XRRA1: variants seen among roughly 807,000 people sequenced by gnomAD.
XRRA1 encodes the protein X-ray radiation resistance associated 1.
Under a neutral mutation model 80.2 loss-of-function variants are expected in XRRA1, and 69 were observed. The observed-to-expected ratio is 0.86, with a 90% CI of 0.71 to 1.05. The LOEUF is 1.05. Ranked by LOEUF, XRRA1 falls within the 50% of genes least tolerant of loss-of-function variation. The probability of loss-of-function intolerance (pLI) is 0.00; values close to 1 mark genes in which losing one functional copy is unlikely to be tolerated. For missense variants in XRRA1, 967 were observed against 976.4 expected (o/e 0.99, Z 0.13); for synonymous variants, 348 against 389.9 (o/e 0.89, Z 1.27).
intron 6 of XRRA1, among the ~76,000 whole-genome samples, chr11:74,928,032 T>C (rs897705559): frequency 1.3e-5 from 2 of 152,246 alleles, no homozygotes; most frequent in Non-Finnish European, 2.9e-5. Flanking sequence ...GATTATTCCA[T>C]GTCAAAACAT....
intron 10 of XRRA1, among the ~76,000 whole-genome samples, chr11:74,879,012 T>G (rs1178439604): frequency 3.4e-5 from 5 of 148,770 alleles, no homozygotes. Context: ...AAGTCATTGG[T>G]AGCTTGATGG....
chr11:74,896,674 G>A (rs2052400484), intron 10 of XRRA1, among the ~76,000 whole-genome samples: 1 of 152,146 alleles, frequency 6.6e-6, no homozygotes, highest in Non-Finnish European at 1.5e-5. Flanking sequence ...CCAGTGGTGG[G>A]GGCCACAGGG....
chr11:74,913,867 G>GATGTACTTC (rs1467806792), intron 8 of XRRA1: 1 of 152,162 alleles, frequency 6.6e-6, no homozygotes, highest in Admixed American at 6.5e-5. Context: ...AGCATGTTGT[G>GATGTACTTC]ATGTACTTCT....
rs546365788 is a variant in XRRA1 at position 74,912,449 on chromosome 11, C to A, written c.657-5176G>T. Reference sequence around the variant, plus strand: ...GAAGTTGAGCAGAGATTCTGACAACCCTGCTGGGCCAGGGGCGAAAATTGG... The same window carrying A: ...GAAGTTGAGCAGAGATTCTGACAACACTGCTGGGCCAGGGGCGAAAATTGG... On this transcript the variant is annotated intron_variant, in intron 8 of 18. Coordinates refer to ENST00000684022, the MANE Select transcript of XRRA1 (RefSeq NM_001378157.1). Among the ~76,000 whole-genome samples the A allele has an allele frequency of 2.6e-5, 4 of 152,218 alleles. 1 individual carries two copies. In the South Asian group the frequency reaches 8.3e-4, roughly 32 times the overall value.
rs2036949783 is a variant in XRRA1, at chr11:74,843,437, C to T, written c.2166G>A (p.Gln722=). Reference sequence around the variant, plus strand: ...GGTTCACCAGCCGCCGTTCTGTCCACTGGTGCAGGACAGCACCTGCAGGAA... The same window carrying T: ...GGTTCACCAGCCGCCGTTCTGTCCATTGGTGCAGGACAGCACCTGCAGGAA... ...TEAPLGAVLH[Q]WTERRLVNHK... Residue 722 remains glutamine (Q), a synonymous_variant, in exon 19 of 19, where the codon CAG becomes CAA. Transcript: ENST00000684022. 1 of 1,612,444 alleles carries T rather than the reference C, an allele frequency of 6.2e-7. No individual in the cohort carries two copies. The highest frequency in any genetic ancestry group is 1.1e-5 in the South Asian group (1 of 90,538).
At chr11:74,900,713 C>T (rs553373980) in intron 10 of XRRA1, among the ~76,000 whole-genome samples, 11 of 152,334 alleles carry the variant, frequency 7.2e-5, no homozygotes, top group Non-Finnish European at 8.8e-5. Flanking sequence ...ACCATATGAT[C>T]ATTTCAATTG....
intron 10 of XRRA1, among the ~76,000 whole-genome samples, chr11:74,867,917 CTTTTTT>C (rs60520990): frequency 1.9e-5 from 2 of 106,746 alleles, no homozygotes; most frequent in Admixed American, 1.1e-4. Flanking sequence ...TATAGTCAAT[CTTTTTT>C]TTTTTTTTTT....
Position 74,921,235 on chromosome 11 carries a change from G to GGC in XRRA1, c.633_634dup (p.Pro212ArgfsTer13). 1 of 1,613,930 alleles carries GGC rather than the reference G, an allele frequency of 6.2e-7. No homozygotes were observed. Among genetic ancestry groups the GGC allele is most frequent in the East Asian group, 2.2e-5 (1 of 44,886 alleles). On this transcript the variant is annotated frameshift_variant, in exon 8 of 19. Coordinates refer to ENST00000684022, the MANE Select transcript of XRRA1 (RefSeq NM_001378157.1). LOFTEE classifies it high-confidence loss of function. Reference sequence around the variant, plus strand: ...TTACTGTTCTGCGACGGCCAAATTGGGCGGCAGGGAGGTAAGGCCATTGCC... The same window carrying GGC: ...TTACTGTTCTGCGACGGCCAAATTGGGCGCGGCAGGGAGGTAAGGCCATTGCC...
At position 74,921,182 on chromosome 11, in the gene XRRA1, A is replaced by C. The variant is rs750146137; in HGVS notation, c.656+32T>G. The C allele has an allele frequency of 2.5e-6, 4 of 1,609,328 alleles. No individual in the cohort carries two copies. In the Admixed American group the frequency reaches 6.7e-5, roughly 27 times the overall value. ...TTTCCTTGGATATTTGTACACAAAA[A>C]CACAGAATGGACTCCAGGAGGTAGA... On this transcript the variant is annotated intron_variant, in intron 8 of 18. Coordinates refer to ENST00000684022, the MANE Select transcript of XRRA1 (RefSeq NM_001378157.1).
At chr11:74,947,838 C>T (rs1053473342) in intron 1 of XRRA1, among the ~76,000 whole-genome samples, 2 of 152,174 alleles carry the variant, frequency 1.3e-5, no homozygotes, top group Admixed American at 6.5e-5. Flanking sequence ...AATTCTCCTG[C>T]CTCAGCCTCC....
At chr11:74,946,801 G>T (rs1004073032) in intron 1 of XRRA1, among the ~76,000 whole-genome samples, 1 of 151,488 alleles carries the variant, frequency 6.6e-6, no homozygotes, top group African/African-American at 2.4e-5. Context: ...ACCCAGGCTG[G>T]AGTGCAGTGT....
At chr11:74,880,672 C>T (rs1422375114) in intron 10 of XRRA1, among the ~76,000 whole-genome samples, 11 of 151,042 alleles carry the variant, frequency 7.3e-5, no homozygotes, top group Non-Finnish European at 1.6e-4. Flanking sequence ...TCTTTGTTCT[C>T]GTTGGTTTCA....
chr11:74,891,237 G>A (rs1207303986), intron 10 of XRRA1, among the ~76,000 whole-genome samples: 1 of 152,208 alleles, frequency 6.6e-6, no homozygotes. Context: ...TGGGATGCAA[G>A]GCTGGTTCAA....
At chr11:74,943,845 AGT>A (rs1313331330) in intron 2 of XRRA1, among the ~76,000 whole-genome samples, 1 of 151,774 alleles carries the variant, frequency 6.6e-6, no homozygotes, top group Non-Finnish European at 1.5e-5. Context: ...CTTTTGAGAC[AGT>A]GTCTTACTTT....
rs1479396976 is a variant in XRRA1, at chr11:74,851,117, C to A, written c.1351G>T (p.Val451Phe). The change falls in exon 14 of 19, where the codon GTT (valine) becomes TTT (phenylalanine). Residue 451 changes from valine (V) to phenylalanine (F), a missense_variant. By Grantham distance (50) the Val-to-Phe change is conservative. Coordinates refer to ENST00000684022, the MANE Select transcript of XRRA1 (RefSeq NM_001378157.1). ...RRKIVKPKHH[V>F]LMSRKESWKV... is the part of the protein sequence containing the mutation. ...CATGATTCCTTCCGAGACATCAAAA[C>A]ATGATGCTTAGGCTTTACTATCTTC... 1.2e-6 allele frequency: 2 copies of A among 1,612,414 alleles called. No homozygotes were observed. The highest frequency in any genetic ancestry group is 1.7e-6 in the Non-Finnish European group (2 of 1,178,970).
chr11:74,890,679 G>A (rs1456406096), intron 10 of XRRA1, among the ~76,000 whole-genome samples: 2 of 151,876 alleles, frequency 1.3e-5, no homozygotes, highest in Non-Finnish European at 2.9e-5. Context: ...GAAGAAAAGA[G>A]AGAAGAATCA....
chr11:74,842,943 AAG>A lies in XRRA1; in HGVS notation c.*255_*256del, dbSNP rs147022369. 17,507 of 469,900 alleles carry A rather than the reference AAG, an allele frequency of 0.037. 385 individuals carry two copies. Among genetic ancestry groups the A allele is most frequent in the African/African-American group, 0.057 (2,961 of 51,614 alleles). 29.1% of individuals were successfully genotyped at this position (469,900 alleles called of 1,614,324 possible). On this transcript the variant is annotated 3_prime_UTR_variant, in exon 19 of 19. Transcript: ENST00000684022. ...TGCTGCTGTGGCCTGGGTTCCAAGA[AAG>A]AATGCATGTGGCACCCAGTCTATTG...
intron 1 of XRRA1, among the ~76,000 whole-genome samples, chr11:74,946,762 T>C (rs190559357): frequency 2.0e-5 from 3 of 151,874 alleles, no homozygotes; most frequent in African/African-American, 7.2e-5. Context: ...TTCTTTTTTT[T>C]TTTTTTTGAG....
At chr11:74,867,917 CTTTTTTT>C (rs60520990) in intron 10 of XRRA1, among the ~76,000 whole-genome samples, 2 of 106,748 alleles carry the variant, frequency 1.9e-5, no homozygotes, top group African/African-American at 3.6e-5. Context: ...TATAGTCAAT[CTTTTTTT>C]TTTTTTTTTT....
Sources: gnomAD v4.1 joint callset for allele counts (sites outside exome capture counted in the v4.1 genomes callset) on GRCh38, gnomAD v4.1.1 for gene constraint, MANE v1.5 for transcripts, NCBI Gene and HGNC (gene_info 2026-07-23, HGNC 2026-07-21) for gene names.